The following ERN1 variants were observed in gnomAD, a reference collection of about 807,000 sequenced individuals.
ERN1 encodes the protein endoplasmic reticulum to nucleus signaling 1.
In ERN1, 39 loss-of-function variants were observed where a neutral mutation model predicts 113.1. The observed-to-expected ratio is 0.34, with a 90% CI of 0.27 to 0.45. The LOEUF (loss-of-function observed/expected upper bound fraction) is 0.45. Among genes scored for constraint, ERN1 ranks in the 20% least tolerant of loss-of-function variants. ERN1 has a pLI of 1.00. For missense variants in ERN1, 976 were observed against 1,274.8 expected, an observed-to-expected ratio of 0.77 and a Z score of 3.57; for synonymous variants, 507 against 515.9, an observed-to-expected ratio of 0.98 and a Z score of 0.23.
At chr17:64,087,627 G>A (rs1166053453) in intron 2 of ERN1, among the ~76,000 whole-genome samples, 1 of 152,138 alleles carries the variant, frequency 6.6e-6, no homozygotes, top group Non-Finnish European at 1.5e-5. Context: ...TTGAAGCTGG[G>A]TGCTGGGTAC....
At chr17:64,103,054 ACT>A (rs1473227533) in intron 1 of ERN1, 2 of 639,000 alleles carry the variant, frequency 3.1e-6, no homozygotes, top group East Asian at 2.8e-4. Context: ...CAGACATCAG[ACT>A]CTGTCCAGCA....
rs925738258 is a variant in ERN1 at position 64,044,579 on chromosome 17, A to G, written c.2721+281T>C. ...TGTTTACACACAGTGGCTGCATCAG[A>G]CAGGGAGAGGGCCCCACAAAAGTCA... On this transcript the variant is annotated intron_variant, in intron 21 of 21. Coordinates refer to ENST00000433197, the MANE Select transcript of ERN1 (RefSeq NM_001433.5). The surrounding 1 kb of genome is among the most constrained non-coding windows in gnomAD (Gnocchi z 4.1). Among the ~76,000 whole-genome samples, 4 of 152,250 alleles carry G rather than the reference A, an allele frequency of 2.6e-5. No individual in the cohort carries two copies. Among genetic ancestry groups the G allele is most frequent in the African/African-American group, 9.6e-5 (4 of 41,464 alleles).
chr17:64,095,839 C>T (rs149251586), intron 2 of ERN1, among the ~76,000 whole-genome samples: 45 of 152,336 alleles, frequency 3.0e-4, no homozygotes, highest in African/African-American at 8.9e-4. Flanking sequence ...CTGCCTCCTT[C>T]GCTCTTCTCC....
At position 64,044,690 on chromosome 17, in the gene ERN1, G is replaced by A. The variant is rs1912457449; in HGVS notation, c.2721+170C>T. Among the ~76,000 whole-genome samples the A allele has an allele frequency of 2.6e-5, 4 of 152,320 alleles. No individual in the cohort carries two copies. In the South Asian group the frequency reaches 8.3e-4, roughly 32 times the overall value. On this transcript the variant is annotated intron_variant, in intron 21 of 21. Coordinates refer to ENST00000433197, the MANE Select transcript of ERN1 (RefSeq NM_001433.5). This position sits in a 1 kb window ranked among gnomAD's most constrained non-coding sequence, Gnocchi z 4.1. The stretch of plus-strand genomic sequence containing the variant: ...ACCTACGTCCCTGAAGGGAAAATCA[G>A]CGTAAGAGAGGCAACAGCCTGCAGT...
intron 10 of ERN1, among the ~76,000 whole-genome samples, chr17:64,060,986 C>T (rs1362365185): frequency 2.0e-5 from 3 of 152,154 alleles, no homozygotes; most frequent in Admixed American, 6.5e-5. Flanking sequence ...CTATGGCCGC[C>T]GAATTCCCAT....
intron 2 of ERN1, among the ~76,000 whole-genome samples, chr17:64,096,653 C>G (rs1324393345): frequency 6.6e-6 from 1 of 152,152 alleles, no homozygotes; most frequent in Non-Finnish European, 1.5e-5. Flanking sequence ...CTCTCACATT[C>G]TAGGTTCTCT....
intron 7 of ERN1, among the ~76,000 whole-genome samples, chr17:64,067,478 C>T (rs1052653816): frequency 1.3e-5 from 2 of 149,576 alleles, no homozygotes; most frequent in African/African-American, 2.5e-5. Flanking sequence ...AGTGGCGGTA[C>T]GTGCCTGTGG....
intron 2 of ERN1, among the ~76,000 whole-genome samples, chr17:64,093,282 A>G (rs1228421073): frequency 6.6e-6 from 1 of 152,198 alleles, no homozygotes; most frequent in Non-Finnish European, 1.5e-5. Context: ...AGTTTATTCC[A>G]TTCAGCTCTG....
At chr17:64,060,248 C>T (rs1449360206) in intron 11 of ERN1, among the ~76,000 whole-genome samples, 1 of 152,198 alleles carries the variant, frequency 6.6e-6, no homozygotes, top group East Asian at 1.9e-4. Flanking sequence ...CAGGTCCAGG[C>T]CTAGCTTGGT....
chr17:64,053,157 G>C (rs1866600895), intron 16 of ERN1, 115 bp downstream of exon 16: 2 of 945,016 alleles, frequency 2.1e-6, no homozygotes, highest in Non-Finnish European at 3.1e-6. Context: ...TGCTACTGGT[G>C]ATATAGCCAA....
chr17:64,097,958 A>G (rs988244543), intron 2 of ERN1, 163 bp downstream of exon 2: 1 of 844,132 alleles, frequency 1.2e-6, no homozygotes, highest in Non-Finnish European at 1.8e-6. Context: ...AAAGCTATAA[A>G]CGTCCTTTGA....
intron 1 of ERN1, among the ~76,000 whole-genome samples, chr17:64,115,011 G>C (rs1407013956): frequency 2.0e-5 from 3 of 152,096 alleles, no homozygotes; most frequent in Non-Finnish European, 4.4e-5. Context: ...ATCATGCATG[G>C]AATCAGAAAG....
chr17:64,043,685 A>C lies in ERN1; in HGVS notation c.*303T>G, dbSNP rs749795366. On this transcript the variant is annotated 3_prime_UTR_variant, in exon 22 of 22. Coordinates refer to ENST00000433197, the MANE Select transcript of ERN1 (RefSeq NM_001433.5). ...AGCAGGAATTTAAAAAGTCTGAAGCAAGTTTATCCAGTAGATGGCTGGGGG... is the reference window on the plus strand; with the variant it reads ...AGCAGGAATTTAAAAAGTCTGAAGCCAGTTTATCCAGTAGATGGCTGGGGG... The C allele has an allele frequency of 2.0e-5, 6 of 293,556 alleles. No individual in the cohort carries two copies. The highest frequency in any genetic ancestry group is 3.1e-5 in the Non-Finnish European group (5 of 158,882). The allele number at this position is 293,556 out of a possible 1,614,324, so 18.2% of individuals were successfully genotyped here.
intron 19 of ERN1, among the ~76,000 whole-genome samples, chr17:64,046,137 G>A (rs918473522): frequency 1.3e-5 from 2 of 152,234 alleles, no homozygotes; most frequent in African/African-American, 4.8e-5. Context: ...AGGGAGTGGT[G>A]AGCCCTGTCT....
chr17:64,074,814 G>A (rs537533298), intron 5 of ERN1, among the ~76,000 whole-genome samples: 58 of 152,316 alleles, frequency 3.8e-4, no homozygotes, highest in Non-Finnish European at 6.0e-4. Context: ...CTAAGAAAGC[G>A]CTATAATTAA....
intron 1 of ERN1, among the ~76,000 whole-genome samples, chr17:64,122,277 A>G (rs963809312): frequency 6.6e-6 from 1 of 152,086 alleles, no homozygotes; most frequent in Non-Finnish European, 1.5e-5. Flanking sequence ...AATTTTTCTC[A>G]GCTTGGGAGA....
chr17:64,111,545 C>T (rs953298691), intron 1 of ERN1, among the ~76,000 whole-genome samples: 2 of 152,006 alleles, frequency 1.3e-5, no homozygotes, highest in Non-Finnish European at 2.9e-5. Flanking sequence ...TTAGTAGAAA[C>T]GAGGTTTCAC....
In ERN1 at chr17:64,130,006, C is replaced by T. The variant is rs1342114207; in HGVS notation, c.24G>A (p.Leu8=). Residue 8 remains leucine (L), a synonymous_variant, in exon 1 of 22, where the codon CTG becomes CTA. Coordinates refer to ENST00000433197, the MANE Select transcript of ERN1 (RefSeq NM_001433.5). This position sits in a 1 kb window ranked among gnomAD's most constrained non-coding sequence, Gnocchi z 4.0. ...GGCCGGGCAGCAGCAGCGTCAGCAGCAGCAGCAGCCGCCGGGCCGGCATGG... is the reference window on the plus strand; with the variant it reads ...GGCCGGGCAGCAGCAGCGTCAGCAGTAGCAGCAGCCGCCGGGCCGGCATGG... The part of the protein sequence containing the change: MPARRLL[L]LLTLLLPGLG... The T allele has an allele frequency of 6.9e-7, 1 of 1,443,368 alleles. No homozygotes were observed. Among genetic ancestry groups the T allele is most frequent in the Non-Finnish European group, 9.1e-7 (1 of 1,103,578 alleles). The allele number at this position is 1,443,368 out of a possible 1,614,324, so 89.4% of individuals were successfully genotyped here. A position where few individuals can be genotyped will look rare whatever the true frequency, so the allele number is the denominator to read the frequency against.
At chr17:64,124,454 G>A (rs1319809385) in intron 1 of ERN1, among the ~76,000 whole-genome samples, 1 of 152,148 alleles carries the variant, frequency 6.6e-6, no homozygotes, top group Non-Finnish European at 1.5e-5. Flanking sequence ...GGACCCCGTG[G>A]GAGACAACTG....
Sources: gnomAD v4.1 joint callset for allele counts (sites outside exome capture counted in the v4.1 genomes callset) on GRCh38, gnomAD v4.1.1 for gene constraint, Gnocchi (gnomAD v3.1) non-coding constraint, MANE v1.5 for transcripts, NCBI Gene and HGNC (gene_info 2026-07-23, HGNC 2026-07-21) for gene names.